CTNNA2: variants seen among roughly 807,000 people sequenced by gnomAD.
CTNNA2 encodes catenin alpha 2.
CTNNA2 carries 42 observed loss-of-function variants against 101.0 expected under a neutral mutation model. The observed-to-expected ratio is 0.42, with a 90% CI of 0.32 to 0.54. The LOEUF (loss-of-function observed/expected upper bound fraction) is 0.54. Ranked by LOEUF, CTNNA2 falls within the 20% of genes least tolerant of loss-of-function variation. The pLI is 0.14. For synonymous variants in CTNNA2, 450 were observed against 456.4 expected (o/e 0.99, Z 0.18); for missense variants, 871 against 1,223.1 (o/e 0.71, Z 4.29).
intron 2 of CTNNA2, among the ~76,000 whole-genome samples, chr2:79,701,522 A>G (rs908738028): frequency 1.3e-5 from 2 of 152,200 alleles, no homozygotes; most frequent in African/African-American, 4.8e-5. Flanking sequence ...CAGGAGATCT[A>G]CTGGACAGCA....
intron 7 of CTNNA2, among the ~76,000 whole-genome samples, chr2:80,131,980 C>G (rs1702442224): frequency 1.3e-5 from 2 of 152,232 alleles, no homozygotes; most frequent in South Asian, 2.1e-4. Flanking sequence ...ACTCGGGAGG[C>G]TGAGGCAGGA....
Position 79,865,321 on chromosome 2 carries a change from G to A in CTNNA2, c.466-4495G>A, listed in dbSNP as rs79157788. Among the ~76,000 whole-genome samples the A allele has an allele frequency of 3.7e-3, 557 of 152,220 alleles. 3 individuals are homozygous for A. Among genetic ancestry groups the A allele is most frequent in the African/African-American group, 0.013 (530 of 41,526 alleles). On this transcript the variant is annotated intron_variant, in intron 4 of 18. Transcript: ENST00000402739. ...TAAATAAGTACAATAGTTAGATGGC[G>A]GGTCTTACATGCATTCATTCTTTCA...
At chr2:79,294,390 A>G (rs996224093) in intron 2 of CTNNA2, among the ~76,000 whole-genome samples, 4 of 152,154 alleles carry the variant, frequency 2.6e-5, no homozygotes, top group Non-Finnish European at 4.4e-5. Flanking sequence ...TTATCTAACC[A>G]TAATTACCTT....
At chr2:79,631,206 G>A (rs115771457) in intron 1 of CTNNA2, among the ~76,000 whole-genome samples, 97 of 152,224 alleles carry the variant, frequency 6.4e-4, no homozygotes, top group African/African-American at 2.3e-3. Flanking sequence ...GCCTTATGTG[G>A]TAACTCTTGA....
At chr2:80,516,540 A>AT (rs1689123940) in intron 9 of CTNNA2, among the ~76,000 whole-genome samples, 1 of 152,160 alleles carries the variant, frequency 6.6e-6, no homozygotes, top group Admixed American at 6.5e-5. Context: ...GGAGGAGGTC[A>AT]TTTTTCAAAC....
chr2:79,430,612 G>T (rs529087372), intron 4 of CTNNA2, among the ~76,000 whole-genome samples: 1 of 152,136 alleles, frequency 6.6e-6, no homozygotes, highest in Admixed American at 6.5e-5. Flanking sequence ...TAGCCTTTTT[G>T]CATATATTAT....
At chr2:80,435,363 AAC>A (rs1681935339) in intron 9 of CTNNA2, among the ~76,000 whole-genome samples, 1 of 152,190 alleles carries the variant, frequency 6.6e-6, no homozygotes, top group African/African-American at 2.4e-5. Flanking sequence ...CAAAATTCTC[AAC>A]AGTTTCTCTC....
At chr2:79,559,406 A>G (rs1431778730) in intron 1 of CTNNA2, among the ~76,000 whole-genome samples, 1 of 151,940 alleles carries the variant, frequency 6.6e-6, no homozygotes. Flanking sequence ...ATATTTTGCC[A>G]TGTCTGAGAA....
chr2:79,753,750 A>T (rs1672201285), intron 3 of CTNNA2, among the ~76,000 whole-genome samples: 1 of 152,228 alleles, frequency 6.6e-6, no homozygotes, highest in African/African-American at 2.4e-5. Context: ...TCCTAAATGA[A>T]AGTGATGGCC....
chr2:80,263,712 A>G lies in CTNNA2; in HGVS notation c.1057-129499A>G, dbSNP rs370474474. 1.2e-4 allele frequency among the ~76,000 whole-genome samples: 19 copies of G among 152,330 alleles called. No homozygotes were observed. The East Asian group carries it at 2.9e-3, about 23-fold the overall frequency. ...TTGTGTTTGACAGTCACATGTTCCT[A>G]ACGGCTACCATATAGGACAATACAG... On this transcript the variant is annotated intron_variant, in intron 7 of 18. Coordinates refer to ENST00000402739, the MANE Select transcript of CTNNA2 (RefSeq NM_001282597.3).
At chr2:80,287,799 G>T (rs1674903034) in intron 7 of CTNNA2, among the ~76,000 whole-genome samples, 1 of 152,112 alleles carries the variant, frequency 6.6e-6, no homozygotes, top group South Asian at 2.1e-4. Flanking sequence ...TGACAAACAT[G>T]ACAAAGGGAA....
chr2:80,280,778 A>T (rs1289457854), intron 7 of CTNNA2, among the ~76,000 whole-genome samples: 3 of 152,062 alleles, frequency 2.0e-5, no homozygotes, highest in Non-Finnish European at 4.4e-5. Context: ...CCTGTCTGAG[A>T]CATAAATTAC....
intron 7 of CTNNA2, among the ~76,000 whole-genome samples, chr2:80,149,774 TCACACACACACACACACACACACACACA>T (rs10595115): frequency 6.3e-5 from 9 of 143,392 alleles, no homozygotes; most frequent in Non-Finnish European, 1.2e-4. Flanking sequence ...TTAGAATGGA[TCACACACACACACACACACACACACACA>T]CACACACACA....
chr2:80,038,215 T>A (rs1309381002), intron 7 of CTNNA2, among the ~76,000 whole-genome samples: 2 of 152,206 alleles, frequency 1.3e-5, no homozygotes, highest in East Asian at 3.8e-4. Flanking sequence ...GAGCACAGCA[T>A]GTAATGTTTG....
At chr2:79,380,836 G>T (rs1467671182) in intron 4 of CTNNA2, among the ~76,000 whole-genome samples, 1 of 152,054 alleles carries the variant, frequency 6.6e-6, no homozygotes, top group Non-Finnish European at 1.5e-5. Flanking sequence ...CTATAACATT[G>T]CTGTAAAGAA....
At chr2:79,208,216 T>TC (rs1449832113) in intron 2 of CTNNA2, among the ~76,000 whole-genome samples, 1 of 152,172 alleles carries the variant, frequency 6.6e-6, no homozygotes, top group Non-Finnish European at 1.5e-5. Context: ...TAAGATCATT[T>TC]CCTTAATTAT....
At chr2:79,488,413 CAAT>C (rs1419034278) in intron 4 of CTNNA2, among the ~76,000 whole-genome samples, 1 of 150,736 alleles carries the variant, frequency 6.6e-6, no homozygotes, top group African/African-American at 2.4e-5. Context: ...AGGTCAATGT[CAAT>C]AAGTGTTCAC....
chr2:79,884,930 A>T (rs1318570415), intron 6 of CTNNA2, among the ~76,000 whole-genome samples: 1 of 152,040 alleles, frequency 6.6e-6, no homozygotes, highest in Non-Finnish European at 1.5e-5. Context: ...GTGAGGATAA[A>T]ATAATTGTCT....
chr2:79,527,012 T>G (rs1672445036), intron 1 of CTNNA2, among the ~76,000 whole-genome samples: 1 of 152,032 alleles, frequency 6.6e-6, no homozygotes, highest in Non-Finnish European at 1.5e-5. Context: ...AAATTTGACT[T>G]TATCAAAATT....
Sources: gnomAD v4.1 joint callset for allele counts (sites outside exome capture counted in the v4.1 genomes callset) on GRCh38, gnomAD v4.1.1 for gene constraint, MANE v1.5 for transcripts, NCBI Gene and HGNC (gene_info 2026-07-23, HGNC 2026-07-21) for gene names.